The following GNG2 variants were observed in gnomAD, a reference collection of about 807,000 sequenced individuals.
The protein encoded by GNG2 is G protein subunit gamma 2, also known as guanine nucleotide-binding protein G(I)/G(S)/G(O) subunit gamma-2.
GNG2 carries 5 observed loss-of-function variants against 5.5 expected under a neutral mutation model. That is an observed-to-expected ratio of 0.91 (90% CI 0.48 to 1.92). The LOEUF is 1.92. Among genes scored for constraint, GNG2 ranks in the 30% most tolerant of loss-of-function variants. The pLI is 0.01. For missense variants in GNG2, 55 were observed against 88.4 expected (o/e 0.62, Z 1.52); for synonymous variants, 28 against 32.0 (o/e 0.88, Z 0.42).
At chr14:51,937,833 A>T (rs1888102178) in intron 2 of GNG2, among the ~76,000 whole-genome samples, 1 of 152,190 alleles carries the variant, frequency 6.6e-6, no homozygotes, top group African/African-American at 2.4e-5. Context: ...TACTAAGCTG[A>T]TAAAAGGAGA....
At chr14:51,915,496 G>T (rs1886566079) in intron 2 of GNG2, among the ~76,000 whole-genome samples, 1 of 152,174 alleles carries the variant, frequency 6.6e-6, no homozygotes, top group South Asian at 2.1e-4. Context: ...TAAAGAGGCA[G>T]CAAGGAAACA....
chr14:51,894,108 T>C (rs929834169), intron 2 of GNG2, among the ~76,000 whole-genome samples: 1 of 152,116 alleles, frequency 6.6e-6, no homozygotes, highest in African/African-American at 2.4e-5. Context: ...CATTTTGTTA[T>C]ATTGCAAAAA....
intron 2 of GNG2, among the ~76,000 whole-genome samples, chr14:51,915,149 G>A (rs1242101983): frequency 1.3e-5 from 2 of 152,186 alleles, no homozygotes; most frequent in African/African-American, 4.8e-5. Context: ...AATCAATTCA[G>A]TTGTCTCTTC....
chr14:51,841,001 A>G lies in GNG2; in HGVS notation c.64+13194A>G, dbSNP rs527811208. On this transcript the variant is annotated intron_variant, in intron 2 of 3. Transcript: ENST00000553432. ...TATCTGGTAATTTTTTTCCGAGAGCAGAAGTCACAATCATACCAGGAGGAG... is the reference window on the plus strand; with the variant it reads ...TATCTGGTAATTTTTTTCCGAGAGCGGAAGTCACAATCATACCAGGAGGAG... Among the ~76,000 whole-genome samples the G allele has an allele frequency of 7.9e-5, 12 of 152,352 alleles. No homozygotes were observed. In the South Asian group the frequency reaches 2.3e-3, roughly 29 times the overall value.
chr14:51,963,238 A>C (rs1015116556), intron 3 of GNG2, among the ~76,000 whole-genome samples: 20 of 152,248 alleles, frequency 1.3e-4, no homozygotes. Flanking sequence ...TTCAGAATCA[A>C]ATGTTCAAAT....
intron 3 of GNG2, among the ~76,000 whole-genome samples, chr14:51,957,397 ATC>A (rs1889336297): frequency 6.6e-6 from 1 of 152,096 alleles, no homozygotes; most frequent in African/African-American, 2.4e-5. Flanking sequence ...TATATCCACC[ATC>A]TCTAATTTCT....
intron 2 of GNG2, among the ~76,000 whole-genome samples, chr14:51,830,263 G>C (rs28722890): frequency 0.067 from 10,266 of 152,114 alleles, 614 homozygotes; most frequent in African/African-American, 0.16. Context: ...TCATCTTACT[G>C]ATTTCAAAAT....
chr14:51,843,107 G>C (rs1881527272), intron 2 of GNG2, among the ~76,000 whole-genome samples: 1 of 152,158 alleles, frequency 6.6e-6, no homozygotes, highest in African/African-American at 2.4e-5. Context: ...ATAATTAGCT[G>C]AACTATTTCA....
intron 1 of GNG2, among the ~76,000 whole-genome samples, chr14:51,865,949 G>A (rs1467541660): frequency 6.6e-5 from 10 of 150,890 alleles, no homozygotes; most frequent in Non-Finnish European, 1.2e-4. Flanking sequence ...ATTAAACACT[G>A]AAAAAAAAAA....
At chr14:51,865,385 G>T (rs1882807877) in intron 1 of GNG2, among the ~76,000 whole-genome samples, 1 of 151,916 alleles carries the variant, frequency 6.6e-6, no homozygotes, top group African/African-American at 2.4e-5. Flanking sequence ...TCATCACAAT[G>T]TATACATGTA....
chr14:51,867,257 G>T (rs534517645), intron 1 of GNG2, among the ~76,000 whole-genome samples: 1 of 152,214 alleles, frequency 6.6e-6, no homozygotes, highest in African/African-American at 2.4e-5. Context: ...GTTGCTGTGT[G>T]GGTCAGTCCC....
At chr14:51,879,137 T>C (rs1460681351) in intron 2 of GNG2, among the ~76,000 whole-genome samples, 1 of 152,228 alleles carries the variant, frequency 6.6e-6, no homozygotes, top group East Asian at 1.9e-4. Flanking sequence ...AAGAGGTTAT[T>C]TGGCATATTC....
intron 2 of GNG2, among the ~76,000 whole-genome samples, chr14:51,897,717 TATGTG>T (rs1033994664): frequency 2.6e-4 from 39 of 152,102 alleles, no homozygotes; most frequent in African/African-American, 8.7e-4. Flanking sequence ...GCAAGGAACT[TATGTG>T]ATGGGAGGCT....
chr14:51,863,015 T>C (rs1364574140), intron 1 of GNG2, among the ~76,000 whole-genome samples: 1 of 143,546 alleles, frequency 7.0e-6, no homozygotes, highest in Non-Finnish European at 1.5e-5. Flanking sequence ...ATATGGCCAA[T>C]GGCTGAATGG....
At chr14:51,900,595 C>A (rs1885483130) in intron 2 of GNG2, among the ~76,000 whole-genome samples, 1 of 149,850 alleles carries the variant, frequency 6.7e-6, no homozygotes, top group South Asian at 2.1e-4. Context: ...ACACAGTAAT[C>A]TTTCTGCCTT....
rs1247976127 is a variant in GNG2 at position 51,860,710 on chromosome 14, G to C, written c.-151G>C. 6.5e-6 allele frequency: 1 copy of C among 153,092 alleles called. No individual in the cohort carries two copies. Among genetic ancestry groups the C allele is most frequent in the Non-Finnish European group, 1.5e-5 (1 of 68,770 alleles). 9.5% of individuals were successfully genotyped at this position (153,092 alleles called of 1,614,324 possible). Reference sequence around the variant, plus strand: ...TGCTGGGCTGGGCTGGGCTGGGCTGGGCTGCGCCGGAGCTCGCCTGCACAG... The same window carrying C: ...TGCTGGGCTGGGCTGGGCTGGGCTGCGCTGCGCCGGAGCTCGCCTGCACAG... On this transcript the variant is annotated 5_prime_UTR_variant, in exon 1 of 4. Transcript: ENST00000556766.
At chr14:51,951,180 T>G (rs992418834) in intron 3 of GNG2, among the ~76,000 whole-genome samples, 2 of 152,256 alleles carry the variant, frequency 1.3e-5, no homozygotes, top group South Asian at 4.1e-4. Context: ...CTTCTAGTTA[T>G]CCTTGCACGT....
chr14:51,831,574 T>G (rs1881191254), intron 2 of GNG2, among the ~76,000 whole-genome samples: 1 of 152,246 alleles, frequency 6.6e-6, no homozygotes, highest in African/African-American at 2.4e-5. Context: ...AAGAGCTATA[T>G]GTTTGAGCAA....
rs889808147 is a variant in GNG2, at chr14:51,904,841, G to A, written c.-30+27184G>A. On this transcript the variant is annotated intron_variant, in intron 2 of 3. Transcript: ENST00000556766. ...TCATTTCTTTAAAAAATTATTCTTC[G>A]GAAAGCACTTTGTGCCCATTGATAT... Among the ~76,000 whole-genome samples the A allele has an allele frequency of 5.3e-5, 8 of 152,072 alleles. No homozygotes were observed. In the East Asian group the frequency reaches 5.8e-4, roughly 11 times the overall value.
Sources: allele counts gnomAD v4.1 joint callset (sites outside exome capture counted in the v4.1 genomes callset), GRCh38; gene constraint gnomAD v4.1.1; transcripts MANE v1.5; gene names NCBI Gene and HGNC (gene_info 2026-07-23, HGNC 2026-07-21).